The following TACR2 variants were observed in gnomAD, a reference collection of about 807,000 sequenced individuals.
TACR2 encodes substance-K receptor.
A neutral mutation model predicts 28.9 loss-of-function variants in TACR2; 24 were observed. The observed-to-expected ratio is 0.83, with a 90% CI of 0.60 to 1.17. The LOEUF (loss-of-function observed/expected upper bound fraction) is 1.17. TACR2 is among the 50% of genes most tolerant of loss of function. TACR2 has a pLI of 0.00. For synonymous variants in TACR2, 222 were observed against 212.6 expected (o/e 1.04, Z -0.38); for missense variants, 487 against 524.4 (o/e 0.93, Z 0.70).
At position 69,416,418 on chromosome 10, in the gene TACR2, G is replaced by A; in HGVS notation, c.-95C>T. ...TCCCCTTCAGAGCATGGGAATATGG[G>A]GGCAGGGAGAGGAGCAGATGCCAAG... On this transcript the variant is annotated 5_prime_UTR_variant, in exon 1 of 5. Transcript: ENST00000373306. 1 of 1,500,846 alleles carries A rather than the reference G, an allele frequency of 6.7e-7. No homozygotes were observed. Among genetic ancestry groups the A allele is most frequent in the Non-Finnish European group, 8.9e-7 (1 of 1,124,434 alleles). 93.0% of individuals were successfully genotyped at this position (1,500,846 alleles called of 1,614,324 possible).
intron 2 of TACR2, among the ~76,000 whole-genome samples, chr10:69,409,906 T>C (rs2394562): frequency 0.15 from 1,554 of 10,518 alleles, 6 homozygotes; most frequent in African/African-American, 0.17. Context: ...TATATATACA[T>C]ATATATATAT....
In TACR2 at chr10:69,407,214, A is replaced by C. The variant is rs200721288; in HGVS notation, c.808T>G (p.Phe270Val). Residue 270 changes from phenylalanine (F) to valine (V), a missense_variant, in exon 4 of 5, where the codon TTC becomes GTC. Coordinates refer to ENST00000373306, the MANE Select transcript of TACR2 (RefSeq NM_001057.3). The part of the protein sequence containing the change: ...AICWLPYHLY[F>V]ILGSFQEDIY... ...TCCTCCTGGAAGCTGCCCAGGATGA[A>C]GTAGAGGTGGTAGGGCAGCCAGCAG... 1 of 1,613,908 alleles carries C rather than the reference A, an allele frequency of 6.2e-7. No homozygotes were observed. The highest frequency in any genetic ancestry group is 1.7e-5 in the Admixed American group (1 of 59,980).
intron 2 of TACR2, among the ~76,000 whole-genome samples, chr10:69,413,571 G>A (rs1056323962): frequency 2.0e-5 from 3 of 152,224 alleles, no homozygotes; most frequent in African/African-American, 7.2e-5. Flanking sequence ...CCTGGGCAGG[G>A]CCTGCCCTCG....
intron 2 of TACR2, 200 bp from the exon 3 acceptor site, chr10:69,409,275 G>A (rs1840538996): frequency 2.2e-6 from 1 of 446,500 alleles, no homozygotes. Context: ...CGGCTTCCCT[G>A]CAAAAGGGAC....
intron 4 of TACR2, among the ~76,000 whole-genome samples, chr10:69,405,960 A>C (rs1323961880): frequency 6.6e-6 from 1 of 152,182 alleles, no homozygotes; most frequent in African/African-American, 2.4e-5. Flanking sequence ...GGAGCATCTT[A>C]CTTTCTGAAG....
In TACR2 at chr10:69,414,992, C is replaced by A; in HGVS notation, c.540G>T (p.Lys180Asn). The part of the protein sequence containing the change: ...STVTMDQGAT[K>N]CVVAWPEDSG... ...TGTCTTCGGGCCAGGCCACCACGCA[C>A]TTGGTGGCACCCTGGTCCATGGTGA... Residue 180 changes from lysine (K) to asparagine (N), a missense_variant, in exon 2 of 5, where the codon AAG (lysine) becomes AAT (asparagine). Physicochemically the swap from Lys to Asn is moderately conservative, Grantham distance 94. Transcript: ENST00000373306. The A allele has an allele frequency of 6.2e-7, 1 of 1,613,794 alleles. No homozygotes were observed. Among genetic ancestry groups the A allele is most frequent in the Non-Finnish European group, 8.5e-7 (1 of 1,179,978 alleles).
At chr10:69,410,908 G>A (rs1319729340) in intron 2 of TACR2, among the ~76,000 whole-genome samples, 2 of 152,206 alleles carry the variant, frequency 1.3e-5, no homozygotes, top group Non-Finnish European at 2.9e-5. Context: ...TCTGGGGTGT[G>A]AGAATGCAGA....
At chr10:69,412,414 A>AGGGGAGGAGG (rs1359436904) in intron 2 of TACR2, among the ~76,000 whole-genome samples, 3 of 152,084 alleles carry the variant, frequency 2.0e-5, no homozygotes. Flanking sequence ...AGCAGATAAG[A>AGGGGAGGAGG]GGGGAGGAGG....
chr10:69,407,818 C>T (rs1315945575), intron 3 of TACR2, among the ~76,000 whole-genome samples: 1 of 152,224 alleles, frequency 6.6e-6, no homozygotes, highest in African/African-American at 2.4e-5. Flanking sequence ...ACTCCTGCTC[C>T]GTTTGGCAGC....
Position 69,407,299 on chromosome 10 carries a change from A to G in TACR2, c.742-19T>C, listed in dbSNP as rs1392723709. The G allele has an allele frequency of 6.3e-7, 1 of 1,594,230 alleles. No homozygotes were observed. Among genetic ancestry groups the G allele is most frequent in the South Asian group, 1.1e-5 (1 of 88,152 alleles). Reference sequence around the variant, plus strand: ...TCACAAACTGGTCCAGGAGAGGCTCAAGTTACTTCTTAGTGCCCAAGCCCC... The same window carrying G: ...TCACAAACTGGTCCAGGAGAGGCTCGAGTTACTTCTTAGTGCCCAAGCCCC... On this transcript the variant is annotated intron_variant, in intron 3 of 4. Transcript: ENST00000373306.
chr10:69,415,405 G>T (rs2133012943), intron 1 of TACR2, among the ~76,000 whole-genome samples: 1 of 152,306 alleles, frequency 6.6e-6, no homozygotes, highest in South Asian at 2.1e-4. Flanking sequence ...CCCGTGGACG[G>T]CCACAAGAAA....
intron 2 of TACR2, among the ~76,000 whole-genome samples, chr10:69,411,520 C>A (rs930998811): frequency 1.3e-5 from 2 of 152,164 alleles, no homozygotes; most frequent in Non-Finnish European, 2.9e-5. Context: ...GTCATGCAGC[C>A]TCTGGCTCCA....
chr10:69,409,777 T>TGG (rs894516486), intron 2 of TACR2, among the ~76,000 whole-genome samples: 1 of 150,910 alleles, frequency 6.6e-6, no homozygotes, highest in African/African-American at 2.4e-5. Context: ...CAGTGCTATC[T>TGG]GAAGTTTCAA....
At chr10:69,409,882 CATATATACATATAT>C (rs1198076285) in intron 2 of TACR2, among the ~76,000 whole-genome samples, 35 of 113,146 alleles carry the variant, frequency 3.1e-4, no homozygotes, top group South Asian at 1.3e-3. Flanking sequence ...TATATATATA[CATATATACATATAT>C]ATATATACAT....
In TACR2 at chr10:69,415,043, G is replaced by T; in HGVS notation, c.489C>A (p.Ala163=). ...AGIWLVALAL[A]SPQCFYSTVT... ...CGGTGGAGTAGAAGCACTGAGGGGA[G>T]GCCAGGGCGAGAGCCACCAGCCAGA... The change falls in exon 2 of 5, where the codon GCC becomes GCA. Residue 163 remains alanine, a synonymous_variant. Coordinates refer to ENST00000373306, the MANE Select transcript of TACR2 (RefSeq NM_001057.3). 3 of 1,613,926 alleles carry T rather than the reference G, an allele frequency of 1.9e-6. No homozygotes were observed. The highest frequency in any genetic ancestry group is 1.1e-5 in the South Asian group (1 of 91,082).
intron 2 of TACR2, among the ~76,000 whole-genome samples, chr10:69,409,482 T>C (rs773546203): frequency 4.6e-5 from 7 of 152,236 alleles, no homozygotes; most frequent in Non-Finnish European, 7.3e-5. Context: ...GCATATTTTT[T>C]CCAGAATCAT....
chr10:69,410,081 C>T (rs1365764820), intron 2 of TACR2, among the ~76,000 whole-genome samples: 1 of 151,898 alleles, frequency 6.6e-6, no homozygotes, highest in Non-Finnish European at 1.5e-5. Flanking sequence ...GGTTTATCAG[C>T]ATTTGGCTGG....
chr10:69,409,846 CGTATAT>C (rs1242389184), intron 2 of TACR2, among the ~76,000 whole-genome samples: 8 of 118,742 alleles, frequency 6.7e-5, no homozygotes, highest in Admixed American at 2.0e-4. Flanking sequence ...TATACGTATA[CGTATAT>C]GTATATGTAT....
intron 2 of TACR2, among the ~76,000 whole-genome samples, chr10:69,410,371 A>G (rs963761997): frequency 6.6e-6 from 1 of 151,988 alleles, no homozygotes; most frequent in Non-Finnish European, 1.5e-5. Flanking sequence ...AATTAAAAAA[A>G]TTAGCCAGGC....
Sources: gnomAD v4.1 joint callset for allele counts (sites outside exome capture counted in the v4.1 genomes callset) on GRCh38, gnomAD v4.1.1 for gene constraint, MANE v1.5 for transcripts, NCBI Gene and HGNC (gene_info 2026-07-23, HGNC 2026-07-21) for gene names.